PDE7A: variants seen among roughly 807,000 people sequenced by gnomAD.
PDE7A encodes the protein high affinity 3',5'-cyclic-AMP phosphodiesterase 7A.
A neutral mutation model predicts 64.3 loss-of-function variants in PDE7A; 39 were observed. That is an observed-to-expected ratio of 0.61 (90% CI 0.47 to 0.79). The LOEUF (loss-of-function observed/expected upper bound fraction) is 0.79, where lower values mean the gene tolerates loss of function less well. Ranked by LOEUF, PDE7A falls within the 30% of genes least tolerant of loss-of-function variation. The pLI is 0.00. For missense variants in PDE7A, 470 were observed against 582.8 expected (o/e 0.81, Z 1.99); for synonymous variants, 203 against 206.8 (o/e 0.98, Z 0.16).
intron 3 of PDE7A, among the ~76,000 whole-genome samples, chr8:65,761,915 C>G (rs1641679228): frequency 6.6e-6 from 1 of 152,198 alleles, no homozygotes; most frequent in Non-Finnish European, 1.5e-5. Context: ...AGATTCTTTT[C>G]TATCACCCAA....
At chr8:65,839,169 T>C (rs1811016442) in intron 1 of PDE7A, among the ~76,000 whole-genome samples, 1 of 152,104 alleles carries the variant, frequency 6.6e-6, no homozygotes, top group Non-Finnish European at 1.5e-5. Context: ...TTGCCAGTTT[T>C]AAGCATATTT....
chr8:65,790,452 C>T (rs1453601751), intron 1 of PDE7A, among the ~76,000 whole-genome samples: 2 of 152,086 alleles, frequency 1.3e-5, no homozygotes, highest in African/African-American at 4.8e-5. Flanking sequence ...GACTGCAGTC[C>T]ATGACAAGAC....
At chr8:65,784,028 T>G (rs1423917857) in intron 1 of PDE7A, among the ~76,000 whole-genome samples, 2 of 151,856 alleles carry the variant, frequency 1.3e-5, no homozygotes, top group Admixed American at 6.6e-5. Context: ...ATCAGTTGAA[T>G]TAACAAGCAA....
chr8:65,827,619 T>C (rs941204673), intron 1 of PDE7A, among the ~76,000 whole-genome samples: 7 of 152,210 alleles, frequency 4.6e-5, no homozygotes, highest in African/African-American at 1.4e-4. Context: ...ATGAATAGCA[T>C]GTATAACAGT....
At chr8:65,721,903 G>A (rs886786174) in intron 12 of PDE7A, 3 of 150,108 alleles carry the variant, frequency 2.0e-5, no homozygotes, top group African/African-American at 7.4e-5. Context: ...CTGCCTCCCA[G>A]GTTCAAGCGA....
At chr8:65,755,637 TAAGTAA>T (rs1241705252) in intron 3 of PDE7A, among the ~76,000 whole-genome samples, 2 of 152,236 alleles carry the variant, frequency 1.3e-5, no homozygotes, top group East Asian at 1.9e-4. Context: ...TTAAATCATA[TAAGTAA>T]AAGAGGTGTT....
intron 3 of PDE7A, chr8:65,765,788 C>T (rs1808751551): frequency 6.6e-6 from 1 of 152,054 alleles, no homozygotes; most frequent in South Asian, 2.1e-4. Flanking sequence ...TTCAAAAGAA[C>T]ACATCAGACT....
At chr8:65,804,982 C>G (rs1234696894) in intron 1 of PDE7A, among the ~76,000 whole-genome samples, 4 of 152,094 alleles carry the variant, frequency 2.6e-5, no homozygotes, top group African/African-American at 7.2e-5. Context: ...TGAGGTCACA[C>G]CTGTGTACCA....
At chr8:65,730,714 A>G (rs1302373148) in intron 7 of PDE7A, among the ~76,000 whole-genome samples, 1 of 151,930 alleles carries the variant, frequency 6.6e-6, no homozygotes, top group Admixed American at 6.6e-5. Context: ...GATCACTTGA[A>G]GTCAGGAGTT....
chr8:65,765,041 T>C (rs1808699735), intron 3 of PDE7A, among the ~76,000 whole-genome samples: 1 of 152,220 alleles, frequency 6.6e-6, no homozygotes, highest in Non-Finnish European at 1.5e-5. Flanking sequence ...GTCTCTACTA[T>C]GAGCCAGAAG....
At chr8:65,733,279 T>A (rs1806978713) in intron 7 of PDE7A, among the ~76,000 whole-genome samples, 1 of 152,142 alleles carries the variant, frequency 6.6e-6, no homozygotes. Context: ...TTGGGTTGGG[T>A]GTGCCCAGAG....
At chr8:65,756,736 T>C (rs779792163) in intron 3 of PDE7A, among the ~76,000 whole-genome samples, 17 of 152,310 alleles carry the variant, frequency 1.1e-4, no homozygotes, top group Middle Eastern at 3.4e-3. Context: ...GTAATTCCAA[T>C]GTGTGGGCTT....
At chr8:65,750,322 C>T (rs1339163533) in intron 3 of PDE7A, among the ~76,000 whole-genome samples, 1 of 152,116 alleles carries the variant, frequency 6.6e-6, no homozygotes, top group Non-Finnish European at 1.5e-5. Context: ...TAACCTAAAG[C>T]AGAGTTCAAG....
In PDE7A at chr8:65,723,701, G is replaced by A. The variant is rs911854505; in HGVS notation, c.1163-80C>T. On this transcript the variant is annotated intron_variant, in intron 11 of 12. Coordinates refer to ENST00000401827, the MANE Select transcript of PDE7A (RefSeq NM_001242318.3). ...TATAATTAAAGGCTTGAACATACCT[G>A]TGCATTTCTTAGGAAAAACATACTT... 8 of 982,838 alleles carry A rather than the reference G, an allele frequency of 8.1e-6. No individual in the cohort carries two copies. The Admixed American group carries it at 1.8e-4, about 23-fold the overall frequency. 60.9% of individuals were successfully genotyped at this position (982,838 alleles called of 1,614,324 possible).
chr8:65,833,590 A>C (rs1450588733), intron 1 of PDE7A, among the ~76,000 whole-genome samples: 1 of 152,192 alleles, frequency 6.6e-6, no homozygotes, highest in East Asian at 1.9e-4. Context: ...TGAGCAACTT[A>C]ATGTCTGGAA....
intron 3 of PDE7A, among the ~76,000 whole-genome samples, chr8:65,758,368 G>A (rs1177559572): frequency 6.6e-6 from 1 of 152,136 alleles, no homozygotes; most frequent in African/African-American, 2.4e-5. Context: ...TACTGTATCA[G>A]GTAAGGGGGA....
intron 1 of PDE7A, among the ~76,000 whole-genome samples, chr8:65,840,222 G>C (rs1207530223): frequency 6.6e-6 from 1 of 152,134 alleles, no homozygotes; most frequent in East Asian, 1.9e-4. Context: ...GACCTCATTA[G>C]CATACTACCT....
chr8:65,783,776 A>G (rs1585915149), intron 1 of PDE7A, among the ~76,000 whole-genome samples: 1 of 152,366 alleles, frequency 6.6e-6, no homozygotes, highest in East Asian at 1.9e-4. Flanking sequence ...AAATGACTAA[A>G]TGGACTTATT....
intron 12 of PDE7A, among the ~76,000 whole-genome samples, chr8:65,720,839 T>C (rs973374769): frequency 6.6e-6 from 1 of 152,230 alleles, no homozygotes; most frequent in Non-Finnish European, 1.5e-5. Context: ...TACAGTGTTA[T>C]GTTGAGCCAG....
Sources: allele counts gnomAD v4.1 joint callset (sites outside exome capture counted in the v4.1 genomes callset), GRCh38; gene constraint gnomAD v4.1.1; transcripts MANE v1.5; gene names NCBI Gene and HGNC (gene_info 2026-07-23, HGNC 2026-07-21).